Variants in SEPTIN9 observed in about 807,000 individuals in gnomAD.
SEPTIN9 encodes the protein septin 9, also known as septin-9.
Under a neutral mutation model 56.6 loss-of-function variants are expected in SEPTIN9, and 13 were observed. The observed-to-expected ratio is 0.23, with a 90% CI of 0.15 to 0.37. The LOEUF (loss-of-function observed/expected upper bound fraction) is 0.37, where lower values mean the gene tolerates loss of function less well. SEPTIN9 is among the 10% of genes least tolerant of loss of function. The pLI, the probability that SEPTIN9 is intolerant of heterozygous loss-of-function variation, is 1.00. For synonymous variants in SEPTIN9, 332 were observed against 334.1 expected, an observed-to-expected ratio of 0.99 and a Z score of 0.07; for missense variants, 650 against 823.1, an observed-to-expected ratio of 0.79 and a Z score of 2.57.
rs2033013285 is a variant in SEPTIN9 at position 77,323,365 on chromosome 17, T to C, written c.76+16168T>C. 6.6e-6 allele frequency among the ~76,000 whole-genome samples: 1 copy of C among 152,184 alleles called. No homozygotes were observed. The stretch of plus-strand genomic sequence containing the variant: ...TTTTACAAATTAAGCAGTTTTATCT[T>C]GTTCCAAGAGCTTGTATTTCAGCAG... On this transcript the variant is annotated intron_variant, in intron 2 of 11. Coordinates refer to ENST00000427177, the MANE Select transcript of SEPTIN9 (RefSeq NM_001113491.2). The surrounding 1 kb of genome is among the most constrained non-coding windows in gnomAD (Gnocchi z 6.8).
chr17:77,320,222 G>A, intron 2 of SEPTIN9: 1 of 1,609,796 alleles, frequency 6.2e-7, no homozygotes, highest in East Asian at 2.2e-5. Flanking sequence ...GGAGGAGGAG[G>A]AGGAGGAGGA....
chr17:77,497,151 C>T, intron 10 of SEPTIN9, 164 bp from the exon 11 acceptor site: 1 of 717,266 alleles, frequency 1.4e-6, no homozygotes, highest in Non-Finnish European at 2.6e-6. Context: ...TGCCAGGTGT[C>T]CTATACTCAG....
At chr17:77,372,076 C>T (rs1182709480) in intron 2 of SEPTIN9, among the ~76,000 whole-genome samples, 1 of 152,272 alleles carries the variant, frequency 6.6e-6, no homozygotes, top group Non-Finnish European at 1.5e-5. Flanking sequence ...CGCTCCCCGG[C>T]CACACATTCA....
chr17:77,486,853 C>T (rs1365790235), intron 4 of SEPTIN9, among the ~76,000 whole-genome samples: 1 of 152,230 alleles, frequency 6.6e-6, no homozygotes, highest in Non-Finnish European at 1.5e-5. Context: ...ATGCGTGAGC[C>T]TGCCTGATGC....
intron 1 of SEPTIN9, chr17:77,288,031 C>G (rs2031354860): frequency 9.4e-7 from 1 of 1,062,138 alleles, no homozygotes; most frequent in African/African-American, 1.6e-5. Flanking sequence ...CCACTCTGCC[C>G]TGAGTGTGTG....
At chr17:77,448,788 T>C (rs867757375) in intron 3 of SEPTIN9, among the ~76,000 whole-genome samples, 15 of 152,090 alleles carry the variant, frequency 9.9e-5, no homozygotes, top group African/African-American at 3.1e-4. Flanking sequence ...TCTTTTCTTT[T>C]CTTTTTTTTT....
intron 1 of SEPTIN9, among the ~76,000 whole-genome samples, chr17:77,293,296 G>A (rs1054824828): frequency 1.3e-5 from 2 of 152,188 alleles, no homozygotes; most frequent in Non-Finnish European, 2.9e-5. Context: ...TGGAGCTACA[G>A]GCATGTGCCA....
intron 11 of SEPTIN9, 56 bp from the exon 12 acceptor site, chr17:77,498,466 GC>G: frequency 2.8e-6 from 1 of 352,694 alleles, no homozygotes. Context: ...CCCCTGCCCC[GC>G]TGCCCCCACC....
At chr17:77,477,380 T>C (rs1363901120) in intron 3 of SEPTIN9, among the ~76,000 whole-genome samples, 1 of 152,212 alleles carries the variant, frequency 6.6e-6, no homozygotes, top group Non-Finnish European at 1.5e-5. Context: ...TCTGAACATA[T>C]GACTAGAACC....
chr17:77,421,170 A>G lies in SEPTIN9; in HGVS notation c.721+18467A>G, dbSNP rs544113928. On this transcript the variant is annotated intron_variant, in intron 3 of 11. Coordinates refer to ENST00000427177, the MANE Select transcript of SEPTIN9 (RefSeq NM_001113491.2). This position sits in a 1 kb window ranked among gnomAD's most constrained non-coding sequence, Gnocchi z 4.6. Reference sequence around the variant, plus strand: ...TTTGGCTGGATGCCAGGAGCCCGAGACCTTCCAGCTCTTTCCTGTGTAAGG... The same window carrying G: ...TTTGGCTGGATGCCAGGAGCCCGAGGCCTTCCAGCTCTTTCCTGTGTAAGG... 7.9e-5 allele frequency among the ~76,000 whole-genome samples: 12 copies of G among 152,276 alleles called. No homozygotes were observed. The highest frequency in any genetic ancestry group is 2.6e-4 in the African/African-American group (11 of 41,550).
intron 2 of SEPTIN9, chr17:77,375,442 G>A (rs759890192): frequency 6.6e-6 from 1 of 152,250 alleles, no homozygotes; most frequent in Non-Finnish European, 1.5e-5. Context: ...AGGGTTTGGG[G>A]TTGTGTTCGT....
chr17:77,478,739 G>C (rs893108886), intron 3 of SEPTIN9, among the ~76,000 whole-genome samples: 10 of 151,308 alleles, frequency 6.6e-5, no homozygotes, highest in Non-Finnish European at 1.3e-4. Context: ...GGGAGGCAGA[G>C]GTTTCGGTGA....
intron 2 of SEPTIN9, chr17:77,320,020 TC>T: frequency 6.0e-6 from 8 of 1,326,514 alleles, no homozygotes; most frequent in Non-Finnish European, 7.7e-6. Flanking sequence ...GGGGCCCACT[TC>T]GGGCCCTCTC....
At chr17:77,315,314 A>C (rs1322569581) in intron 2 of SEPTIN9, among the ~76,000 whole-genome samples, 2 of 150,614 alleles carry the variant, frequency 1.3e-5, no homozygotes, top group African/African-American at 4.9e-5. Flanking sequence ...TTGAGATGGA[A>C]TCTCGCGCTG....
rs553785667 is a variant in SEPTIN9 at position 77,307,096 on chromosome 17, C to T, written c.20-45C>T. On this transcript the variant is annotated intron_variant, in intron 1 of 11. Coordinates refer to ENST00000427177, the MANE Select transcript of SEPTIN9 (RefSeq NM_001113491.2). The stretch of plus-strand genomic sequence containing the variant: ...GTTAATCATCCACCCGGAGGGAGAG[C>T]GCCAGTGGCCTTGTGTGACCTTTGC... 3.7e-5 allele frequency: 58 copies of T among 1,569,266 alleles called. 1 individual carries two copies. In the East Asian group the frequency reaches 5.8e-4, roughly 16 times the overall value.
At chr17:77,285,689 G>A (rs954538412) in intron 1 of SEPTIN9, among the ~76,000 whole-genome samples, 6 of 152,282 alleles carry the variant, frequency 3.9e-5, no homozygotes, top group African/African-American at 9.6e-5. Flanking sequence ...ATGAGCCACC[G>A]TGCCCAGCCA....
intron 3 of SEPTIN9, chr17:77,420,006 A>G (rs893034340): frequency 6.6e-6 from 1 of 152,246 alleles, no homozygotes; most frequent in African/African-American, 2.4e-5. Flanking sequence ...GGGAGGGCGG[A>G]CTATCCGTTT....
chr17:77,498,461 G>GC, intron 11 of SEPTIN9, 62 bp from the exon 12 acceptor site: 3 of 785,288 alleles, frequency 3.8e-6, no homozygotes, highest in Non-Finnish European at 4.2e-6. Context: ...CAGGGCCCCT[G>GC]CCCCGCTGCC....
chr17:77,334,945 G>A (rs1442298449), intron 2 of SEPTIN9, among the ~76,000 whole-genome samples: 1 of 152,018 alleles, frequency 6.6e-6, no homozygotes, highest in African/African-American at 2.4e-5. Context: ...TGTATATGTG[G>A]CCCTATATTA....
Sources: gnomAD v4.1 joint callset for allele counts (sites outside exome capture counted in the v4.1 genomes callset) on GRCh38, gnomAD v4.1.1 for gene constraint, Gnocchi (gnomAD v3.1) non-coding constraint, MANE v1.5 for transcripts, NCBI Gene and HGNC (gene_info 2026-07-23, HGNC 2026-07-21) for gene names.